PRICKLE1: variants seen among roughly 807,000 people sequenced by gnomAD.
The protein encoded by PRICKLE1 is prickle-like protein 1.
Under a neutral mutation model 70.2 loss-of-function variants are expected in PRICKLE1, and 14 were observed. The ratio of observed to expected loss-of-function variants is 0.20; its 90% CI spans 0.13 to 0.31. PRICKLE1 has a LOEUF of 0.31. Ranked by LOEUF, PRICKLE1 falls within the 10% of genes least tolerant of loss-of-function variation. The pLI, the probability that PRICKLE1 is intolerant of heterozygous loss-of-function variation, is 1.00. For synonymous variants in PRICKLE1, 357 were observed against 379.9 expected (o/e 0.94, Z 0.70); for missense variants, 821 against 1,026.2 (o/e 0.80, Z 2.73).
intron 1 of PRICKLE1, among the ~76,000 whole-genome samples, chr12:42,490,548 G>A (rs544514407): frequency 6.6e-6 from 1 of 152,340 alleles, no homozygotes; most frequent in South Asian, 2.1e-4. Context: ...ACCCTGCAGA[G>A]AAACCAGATG....
intron 2 of PRICKLE1, among the ~76,000 whole-genome samples, chr12:42,470,771 TG>T (rs1487959035): frequency 6.6e-6 from 1 of 152,028 alleles, no homozygotes; most frequent in African/African-American, 2.4e-5. Flanking sequence ...CTGGGCGTGG[TG>T]ATGCACGCCT....
chr12:42,573,565 A>G (rs1440490969), intron 1 of PRICKLE1, among the ~76,000 whole-genome samples: 1 of 151,728 alleles, frequency 6.6e-6, no homozygotes, highest in East Asian at 1.9e-4. Flanking sequence ...TTCTTTTTGT[A>G]TTATTATTAT....
chr12:42,485,798 T>C (rs1286392148), intron 1 of PRICKLE1, among the ~76,000 whole-genome samples: 1 of 152,214 alleles, frequency 6.6e-6, no homozygotes, highest in Non-Finnish European at 1.5e-5. Flanking sequence ...ATGTCAGCCA[T>C]TGTAAATGTG....
chr12:42,549,904 C>T (rs888800384), intron 1 of PRICKLE1, among the ~76,000 whole-genome samples: 6 of 152,002 alleles, frequency 3.9e-5, no homozygotes, highest in African/African-American at 1.5e-4. Context: ...CTTTGGGGGC[C>T]TCCCTGTCTT....
At chr12:42,508,068 A>G (rs1939449247) in intron 1 of PRICKLE1, among the ~76,000 whole-genome samples, 2 of 152,182 alleles carry the variant, frequency 1.3e-5, no homozygotes, top group South Asian at 4.1e-4. Context: ...CGATTTAGAT[A>G]CCATTTTTAT....
At chr12:42,514,242 G>T (rs921581498) in intron 1 of PRICKLE1, among the ~76,000 whole-genome samples, 1 of 152,080 alleles carries the variant, frequency 6.6e-6, no homozygotes, top group Non-Finnish European at 1.5e-5. Context: ...ATTAGTTTCA[G>T]TTGCAGCAAC....
At chr12:42,463,933 G>A (rs114654579) in intron 7 of PRICKLE1, among the ~76,000 whole-genome samples, 1 of 152,134 alleles carries the variant, frequency 6.6e-6, no homozygotes, top group Non-Finnish European at 1.5e-5. Context: ...CCTCACACAT[G>A]TGTTTGTTTT....
intron 1 of PRICKLE1, among the ~76,000 whole-genome samples, chr12:42,489,346 T>A (rs909432433): frequency 6.6e-6 from 1 of 151,316 alleles, no homozygotes. Context: ...GGAAGAAAAG[T>A]TTGAAAGCAG....
rs779594296 is a variant in PRICKLE1 at position 42,464,735 on chromosome 12, A to G, written c.1299T>C (p.Asn433=). Reference sequence around the variant, plus strand: ...GCTCACTGGCTCGAATATCCATCTCATTGGGCTGTGGCTGAAAGAGGCTTT... The same window carrying G: ...GCTCACTGGCTCGAATATCCATCTCGTTGGGCTGTGGCTGAAAGAGGCTTT... ...GDKSLFQPQP[N]EMDIRASEHW... is the part of the protein sequence containing the mutation. Residue 433 remains asparagine, a synonymous_variant, in exon 7 of 8, where the codon AAT becomes AAC. Coordinates refer to ENST00000345127, the MANE Select transcript of PRICKLE1 (RefSeq NM_153026.3). This position sits in a 1 kb window ranked among gnomAD's most constrained non-coding sequence, Gnocchi z 4.2. The G allele has an allele frequency of 6.2e-7, 1 of 1,613,620 alleles. No individual in the cohort carries two copies. The highest frequency in any genetic ancestry group is 8.5e-7 in the Non-Finnish European group (1 of 1,179,604).
intron 5 of PRICKLE1, among the ~76,000 whole-genome samples, chr12:42,468,375 C>T (rs2140112658): frequency 6.6e-6 from 1 of 152,292 alleles, no homozygotes; most frequent in Middle Eastern, 3.4e-3. Context: ...AGTACAAAGA[C>T]ATCTGCTTCC....
chr12:42,576,636 T>C (rs1940810632), intron 1 of PRICKLE1, among the ~76,000 whole-genome samples: 1 of 152,218 alleles, frequency 6.6e-6, no homozygotes, highest in Non-Finnish European at 1.5e-5. Flanking sequence ...ATTGGTACAG[T>C]ACTTCATAGT....
intron 1 of PRICKLE1, among the ~76,000 whole-genome samples, chr12:42,562,906 G>A (rs905621640): frequency 3.3e-5 from 5 of 152,056 alleles, no homozygotes; most frequent in Non-Finnish European, 5.9e-5. Context: ...TTGTGATCAG[G>A]GGGCCGGGTG....
intron 1 of PRICKLE1, among the ~76,000 whole-genome samples, chr12:42,524,213 C>T (rs552354129): frequency 6.6e-6 from 1 of 152,274 alleles, no homozygotes; most frequent in Admixed American, 6.5e-5. Context: ...TGAAGCACTG[C>T]ATATTATAGA....
chr12:42,504,283 TACTC>T (rs1167589424), intron 1 of PRICKLE1, among the ~76,000 whole-genome samples: 1 of 152,184 alleles, frequency 6.6e-6, no homozygotes, highest in Non-Finnish European at 1.5e-5. Flanking sequence ...AGAAACTTCT[TACTC>T]AGGAATATTT....
intron 5 of PRICKLE1, among the ~76,000 whole-genome samples, 171 bp from the exon 6 acceptor site, chr12:42,466,551 C>T (rs2140106867): frequency 6.6e-6 from 1 of 152,242 alleles, no homozygotes; most frequent in Non-Finnish European, 1.5e-5. Context: ...CTTGATTTAG[C>T]TACAAACTAG....
intron 1 of PRICKLE1, among the ~76,000 whole-genome samples, chr12:42,588,611 C>T (rs1254094007): frequency 6.6e-6 from 1 of 151,834 alleles, no homozygotes; most frequent in East Asian, 1.9e-4. Context: ...AGCAACCAAA[C>T]GCGTTCGGCT....
rs3747562 is a variant in PRICKLE1 at position 42,460,403 on chromosome 12, A to G, written c.1902T>C (p.Ser634=). The part of the protein sequence containing the change: ...SQSRPQQVKF[S]DDVIDNGNYD... ...AGTTCCCATTGTCAATGACATCATCAGAAAACTTGACCTGCTGGGGTCTGG... is the reference window on the plus strand; with the variant it reads ...AGTTCCCATTGTCAATGACATCATCGGAAAACTTGACCTGCTGGGGTCTGG... Residue 634 remains serine, a synonymous_variant, in exon 8 of 8, where the codon TCT becomes TCC. Transcript: ENST00000345127. The G allele has an allele frequency of 0.44, 710,330 of 1,613,330 alleles. 157,580 individuals carry two copies. Among genetic ancestry groups the G allele is most frequent in the Admixed American group, 0.48 (28,907 of 59,950 alleles).
At chr12:42,537,308 A>C (rs1940030939) in intron 1 of PRICKLE1, among the ~76,000 whole-genome samples, 1 of 151,966 alleles carries the variant, frequency 6.6e-6, no homozygotes, top group Non-Finnish European at 1.5e-5. Context: ...ACAGGTGTGC[A>C]CCACCATGCT....
intron 1 of PRICKLE1, among the ~76,000 whole-genome samples, chr12:42,525,326 A>G (rs1050967226): frequency 5.9e-5 from 9 of 152,164 alleles, no homozygotes; most frequent in Non-Finnish European, 1.3e-4. Context: ...ATGTACTGAT[A>G]AAAGTAAGTC....
Sources: allele counts gnomAD v4.1 joint callset (sites outside exome capture counted in the v4.1 genomes callset), GRCh38; gene constraint gnomAD v4.1.1; non-coding constraint Gnocchi (gnomAD v3.1); transcripts MANE v1.5; gene names NCBI Gene and HGNC (gene_info 2026-07-23, HGNC 2026-07-21).